Variants in FARP2 observed in about 807,000 individuals in gnomAD.
The protein encoded by FARP2 is FERM, ARHGEF and pleckstrin domain-containing protein 2.
A neutral mutation model predicts 130.5 loss-of-function variants in FARP2; 111 were observed. The observed-to-expected ratio is 0.85, with a 90% CI of 0.73 to 1.00. The LOEUF (loss-of-function observed/expected upper bound fraction) is 1.00. Among genes scored for constraint, FARP2 ranks in the 50% least tolerant of loss-of-function variants. FARP2 has a pLI of 0.00. For missense variants in FARP2, 1,385 were observed against 1,346.3 expected (o/e 1.03, Z -0.45); for synonymous variants, 504 against 516.9 (o/e 0.98, Z 0.34).
At chr2:241,466,406 CTG>C in intron 17 of FARP2, 1 of 985,420 alleles carries the variant, frequency 1.0e-6, no homozygotes, top group Non-Finnish European at 1.2e-6. Flanking sequence ...GCCAGGCCCG[CTG>C]TGGGTGGGCA....
At chr2:241,356,807 C>T (rs905872280) in intron 1 of FARP2, among the ~76,000 whole-genome samples, 1 of 152,230 alleles carries the variant, frequency 6.6e-6, no homozygotes, top group Non-Finnish European at 1.5e-5. Flanking sequence ...CCAGAGTGGG[C>T]CATAGGGACC....
At chr2:241,435,908 A>ATTTTTTTTTTTTTT (rs34703186) in intron 11 of FARP2, among the ~76,000 whole-genome samples, 1 of 101,000 alleles carries the variant, frequency 9.9e-6, no homozygotes. Context: ...AGTATAGTAA[A>ATTTTTTTTTTTTTT]TTTTTTTTTT....
intron 1 of FARP2, among the ~76,000 whole-genome samples, chr2:241,359,339 C>T (rs913063303): frequency 6.6e-6 from 1 of 152,170 alleles, no homozygotes; most frequent in Non-Finnish European, 1.5e-5. Context: ...CCATCTTTCC[C>T]CTTCCCCGCC....
chr2:241,417,571 C>T (rs2062707476), intron 7 of FARP2, among the ~76,000 whole-genome samples: 1 of 152,180 alleles, frequency 6.6e-6, no homozygotes, highest in African/African-American at 2.4e-5. Context: ...GATCCACCCG[C>T]CTCTGCCTCC....
At chr2:241,402,878 ATATT>A (rs2062227829) in intron 2 of FARP2, among the ~76,000 whole-genome samples, 1 of 8,470 alleles carries the variant, frequency 1.2e-4, no homozygotes, top group Admixed American at 2.4e-3. Context: ...ATATATATAT[ATATT>A]TTTTTTTTTT....
chr2:241,425,149 G>A lies in FARP2; in HGVS notation c.772-6530G>A, dbSNP rs561119400. On this transcript the variant is annotated intron_variant, in intron 8 of 26. Coordinates refer to ENST00000264042, the MANE Select transcript of FARP2 (RefSeq NM_014808.4). Reference sequence around the variant, plus strand: ...TTGAGCCTGGGAGGCGGAGGTTGCAGTGAGCCAAAATCAAGCCACTATACT... The same window carrying A: ...TTGAGCCTGGGAGGCGGAGGTTGCAATGAGCCAAAATCAAGCCACTATACT... 7.9e-5 allele frequency among the ~76,000 whole-genome samples: 12 copies of A among 152,238 alleles called. No homozygotes were observed. In the East Asian group the frequency reaches 2.1e-3, roughly 27 times the overall value.
At chr2:241,483,357 C>A in intron 19 of FARP2, 108 bp from the exon 20 acceptor site, 1 of 906,264 alleles carries the variant, frequency 1.1e-6, no homozygotes, top group Non-Finnish European at 1.8e-6. Flanking sequence ...TTGGGAGGAG[C>A]CAGAGGAGCA....
At chr2:241,456,632 G>A (rs2063845024) in intron 13 of FARP2, 115 bp from the exon 14 acceptor site, 11 of 922,442 alleles carry the variant, frequency 1.2e-5, no homozygotes, top group Admixed American at 2.0e-5. Flanking sequence ...TACAGGAAGC[G>A]CCTGGCACTG....
At chr2:241,439,223 G>A (rs2063323333) in intron 12 of FARP2, among the ~76,000 whole-genome samples, 1 of 151,802 alleles carries the variant, frequency 6.6e-6, no homozygotes, top group Non-Finnish European at 1.5e-5. Flanking sequence ...TCACCATGTT[G>A]CCCAGGCTGG....
intron 4 of FARP2, among the ~76,000 whole-genome samples, chr2:241,406,036 G>A (rs1334592067): frequency 1.3e-5 from 2 of 152,098 alleles, no homozygotes; most frequent in South Asian, 2.1e-4. Flanking sequence ...GGGCACGGTG[G>A]CTCACGCCTG....
intron 13 of FARP2, among the ~76,000 whole-genome samples, chr2:241,455,735 C>CTTTT (rs1180839402): frequency 6.2e-4 from 59 of 94,780 alleles, no homozygotes; most frequent in Admixed American, 1.4e-3. Context: ...CTAAAGTTTT[C>CTTTT]TTTTTTTTTT....
At chr2:241,433,430 CCTTCA>C (rs2150400138) in intron 9 of FARP2, among the ~76,000 whole-genome samples, 1 of 152,286 alleles carries the variant, frequency 6.6e-6, no homozygotes, top group East Asian at 1.9e-4. Context: ...GAATGCAGTT[CCTTCA>C]GGGCAATATT....
intron 2 of FARP2, among the ~76,000 whole-genome samples, chr2:241,386,508 AG>A (rs2061787188): frequency 6.6e-6 from 1 of 152,214 alleles, no homozygotes; most frequent in Non-Finnish European, 1.5e-5. Flanking sequence ...AGTATATTTA[AG>A]GGAGAGATTT....
rs1466948212 is a variant in FARP2 at position 241,494,448 on chromosome 2, G to C, written c.*323G>C. Reference sequence around the variant, plus strand: ...GCAGTGCTCTCGGCATCGGACCAAAGCCTGGGCACACCCTGCCTCTCTCCC... The same window carrying C: ...GCAGTGCTCTCGGCATCGGACCAAACCCTGGGCACACCCTGCCTCTCTCCC... On this transcript the variant is annotated 3_prime_UTR_variant, in exon 27 of 27. Transcript: ENST00000264042. This position sits in a 1 kb window ranked among gnomAD's most constrained non-coding sequence, Gnocchi z 4.9. 1 of 196,718 alleles carries C rather than the reference G, an allele frequency of 5.1e-6. No individual in the cohort carries two copies. Among genetic ancestry groups the C allele is most frequent in the East Asian group, 1.1e-4 (1 of 8,908 alleles). The allele number at this position is 196,718 out of a possible 1,614,324, so 12.2% of individuals were successfully genotyped here. A position where few individuals can be genotyped will look rare whatever the true frequency, so the allele number is the denominator to read the frequency against.
At chr2:241,367,513 A>T (rs2061342871) in intron 1 of FARP2, among the ~76,000 whole-genome samples, 1 of 152,140 alleles carries the variant, frequency 6.6e-6, no homozygotes, top group South Asian at 2.1e-4. Context: ...CGAGGGATTG[A>T]GGAGGAATTC....
intron 21 of FARP2, 80 bp downstream of exon 21, chr2:241,484,411 A>AT: frequency 8.7e-7 from 1 of 1,144,420 alleles, no homozygotes; most frequent in Non-Finnish European, 1.3e-6. Flanking sequence ...GCAGAGGCGA[A>AT]TCCTTACCCA....
chr2:241,448,756 C>A lies in FARP2; in HGVS notation c.1411+7200C>A, dbSNP rs142618314. ...GAAACAAAGATTATTGGGAGCACTTCGTGTGTTGATACAGTTGTCTGAACC... is the reference window on the plus strand; with the variant it reads ...GAAACAAAGATTATTGGGAGCACTTAGTGTGTTGATACAGTTGTCTGAACC... On this transcript the variant is annotated intron_variant, in intron 13 of 26. Transcript: ENST00000264042. Among the ~76,000 whole-genome samples the A allele has an allele frequency of 2.9e-3, 449 of 152,336 alleles. 1 individual carries two copies. Among genetic ancestry groups the A allele is most frequent in the Non-Finnish European group, 4.9e-3 (336 of 68,028 alleles).
At chr2:241,408,200 G>A (rs965436296) in intron 5 of FARP2, among the ~76,000 whole-genome samples, 16 of 151,984 alleles carry the variant, frequency 1.1e-4, no homozygotes, top group African/African-American at 3.4e-4. Flanking sequence ...TTGAAACCCC[G>A]TCTCCACTAA....
chr2:241,489,740 T>G (rs1040379447), intron 21 of FARP2: 2 of 472,110 alleles, frequency 4.2e-6, no homozygotes, highest in Non-Finnish European at 7.6e-6. Flanking sequence ...CGGTGAGTAT[T>G]TGGGTGCCCT....
Sources: gnomAD v4.1 joint callset for allele counts (sites outside exome capture counted in the v4.1 genomes callset) on GRCh38, gnomAD v4.1.1 for gene constraint, Gnocchi (gnomAD v3.1) non-coding constraint, MANE v1.5 for transcripts, NCBI Gene and HGNC (gene_info 2026-07-23, HGNC 2026-07-21) for gene names.